Variants in NKAIN3 observed in about 807,000 individuals in gnomAD.
The protein encoded by NKAIN3 is sodium/potassium-transporting ATPase subunit beta-1-interacting protein 3.
Under a neutral mutation model 30.2 loss-of-function variants are expected in NKAIN3, and 25 were observed. That is an observed-to-expected ratio of 0.83 (90% confidence interval 0.60 to 1.16). NKAIN3 has a LOEUF of 1.16. Among genes scored for constraint, NKAIN3 ranks in the 50% most tolerant of loss-of-function variants. The pLI is 0.00. For missense variants in NKAIN3, 225 were observed against 254.1 expected, an observed-to-expected ratio of 0.89 and a Z score of 0.78; for synonymous variants, 91 against 89.6, an observed-to-expected ratio of 1.02 and a Z score of -0.09.
chr8:62,891,826 C>G (rs72655032), intron 4 of NKAIN3, among the ~76,000 whole-genome samples: 2 of 152,156 alleles, frequency 1.3e-5, no homozygotes, highest in Non-Finnish European at 2.9e-5. Flanking sequence ...TCATCACACT[C>G]TTCATCCTCT....
chr8:62,869,323 G>A (rs1361915406), intron 4 of NKAIN3, among the ~76,000 whole-genome samples: 6 of 151,718 alleles, frequency 4.0e-5, no homozygotes, highest in African/African-American at 1.5e-4. Context: ...GCCGCCACCC[G>A]GCGCCCCCCG....
chr8:62,881,700 C>T (rs1820987604), intron 4 of NKAIN3, among the ~76,000 whole-genome samples: 1 of 152,174 alleles, frequency 6.6e-6, no homozygotes, highest in Non-Finnish European at 1.5e-5. Flanking sequence ...TATAAACAGC[C>T]ATGTTCAGAT....
intron 1 of NKAIN3, among the ~76,000 whole-genome samples, chr8:62,438,671 C>T (rs1455620373): frequency 6.6e-6 from 1 of 152,168 alleles, no homozygotes; most frequent in African/African-American, 2.4e-5. Context: ...AAGAGATTCT[C>T]CTGCCTCAGC....
At chr8:62,859,496 T>A (rs1820171766) in intron 4 of NKAIN3, among the ~76,000 whole-genome samples, 1 of 14,132 alleles carries the variant, frequency 7.1e-5, no homozygotes, top group Admixed American at 7.9e-4. Context: ...TTTTCTATAC[T>A]CTTACTTCAA....
chr8:62,361,010 TAAAAAAAA>T (rs3085311), intron 1 of NKAIN3, among the ~76,000 whole-genome samples: 1,564 of 145,916 alleles, frequency 0.011, 9 homozygotes, highest in African/African-American at 0.025. Context: ...ATTCCCCAGC[TAAAAAAAA>T]AAAAAAAAAA....
intron 1 of NKAIN3, among the ~76,000 whole-genome samples, chr8:62,512,465 T>C (rs1229175335): frequency 1.3e-5 from 2 of 152,190 alleles, no homozygotes; most frequent in Admixed American, 6.5e-5. Flanking sequence ...ATGGTTTCCC[T>C]GGTTTTGAGG....
At chr8:62,833,986 G>A (rs1022693596) in intron 4 of NKAIN3, among the ~76,000 whole-genome samples, 1 of 152,108 alleles carries the variant, frequency 6.6e-6, no homozygotes, top group African/African-American at 2.4e-5. Flanking sequence ...CCATGACCAA[G>A]TGGGCTTTAT....
chr8:62,249,067 C>T lies in NKAIN3; in HGVS notation c.-7C>T, dbSNP rs1032503827. 4 of 1,535,400 alleles carry T rather than the reference C, an allele frequency of 2.6e-6. No homozygotes were observed. Among genetic ancestry groups the T allele is most frequent in the African/African-American group, 1.4e-5 (1 of 71,122 alleles). On this transcript the variant is annotated 5_prime_UTR_variant, in exon 1 of 7. Coordinates refer to ENST00000623646, the MANE Select transcript of NKAIN3 (RefSeq NM_001304533.3). The stretch of plus-strand genomic sequence containing the variant: ...GCAGTCAGCGCCGCTCGGACGCCGC[C>T]GGCACCATGGGCTGCTGCACCGGAC...
intron 3 of NKAIN3, among the ~76,000 whole-genome samples, chr8:62,698,303 T>C (rs548690615): frequency 6.6e-6 from 1 of 152,328 alleles, no homozygotes; most frequent in South Asian, 2.1e-4. Context: ...AAGACAGTTG[T>C]CATGTCCCAC....
rs117902920 is a variant in NKAIN3 at position 62,640,374 on chromosome 8, C to T, written c.273+50580C>T. Among the ~76,000 whole-genome samples the T allele has an allele frequency of 3.5e-3, 534 of 152,164 alleles. 5 individuals are homozygous for T. The highest frequency in any genetic ancestry group is 0.034 in the East Asian group (174 of 5,142). On this transcript the variant is annotated intron_variant, in intron 3 of 6. Transcript: ENST00000623646. Reference sequence around the variant, plus strand: ...TTGCTTTGCCCTCTCTCTCACCTGCCGCCATGTAAGACGTGTGTCTTCCCC... The same window carrying T: ...TTGCTTTGCCCTCTCTCTCACCTGCTGCCATGTAAGACGTGTGTCTTCCCC...
At chr8:62,318,632 C>T (rs1017429645) in intron 1 of NKAIN3, among the ~76,000 whole-genome samples, 16 of 152,010 alleles carry the variant, frequency 1.1e-4, no homozygotes, top group African/African-American at 3.4e-4. Context: ...TGCTGTATTA[C>T]GTTTATTGAT....
intron 3 of NKAIN3, among the ~76,000 whole-genome samples, chr8:62,714,148 T>C (rs1172243603): frequency 1.3e-5 from 2 of 152,126 alleles, no homozygotes; most frequent in Non-Finnish European, 2.9e-5. Context: ...TATGTTACAG[T>C]TTCACAGACT....
intron 1 of NKAIN3, among the ~76,000 whole-genome samples, chr8:62,511,454 C>T (rs1807810860): frequency 6.6e-6 from 1 of 152,124 alleles, no homozygotes; most frequent in Non-Finnish European, 1.5e-5. Flanking sequence ...CTCCTTGTAC[C>T]CCTCCGGCTG....
chr8:62,812,497 TTTTC>T (rs35666164), intron 4 of NKAIN3, among the ~76,000 whole-genome samples: 2,140 of 151,916 alleles, frequency 0.014, 29 homozygotes, highest in Non-Finnish European at 0.019. Context: ...AATTTAGAAC[TTTTC>T]TTTCTTTCAT....
At chr8:62,931,977 C>T (rs1396368161) in intron 5 of NKAIN3, among the ~76,000 whole-genome samples, 1 of 152,112 alleles carries the variant, frequency 6.6e-6, no homozygotes, top group Non-Finnish European at 1.5e-5. Flanking sequence ...GGCTGTATTT[C>T]TCTCATATCT....
chr8:62,527,608 C>T (rs989268227), intron 1 of NKAIN3, among the ~76,000 whole-genome samples: 1 of 152,090 alleles, frequency 6.6e-6, no homozygotes, highest in Non-Finnish European at 1.5e-5. Flanking sequence ...GTTTACGTTC[C>T]TATATTTGAA....
chr8:62,426,059 T>C (rs1323868666), intron 1 of NKAIN3, among the ~76,000 whole-genome samples: 1 of 151,964 alleles, frequency 6.6e-6, no homozygotes, highest in Admixed American at 6.6e-5. Flanking sequence ...TCTTCAAAAA[T>C]TTATTTATAT....
At chr8:62,808,622 A>G (rs1818382312) in intron 4 of NKAIN3, among the ~76,000 whole-genome samples, 1 of 152,156 alleles carries the variant, frequency 6.6e-6, no homozygotes, top group African/African-American at 2.4e-5. Context: ...GATGCCCCCC[A>G]AGCCACAAAA....
intron 3 of NKAIN3, among the ~76,000 whole-genome samples, chr8:62,684,234 T>C (rs73264872): frequency 0.13 from 20,430 of 152,158 alleles, 3,561 homozygotes; most frequent in African/African-American, 0.41. Context: ...GTGTTTTCAT[T>C]CCCTACTCCA....
Sources: gnomAD v4.1 joint callset for allele counts (sites outside exome capture counted in the v4.1 genomes callset) on GRCh38, gnomAD v4.1.1 for gene constraint, MANE v1.5 for transcripts, NCBI Gene and HGNC (gene_info 2026-07-23, HGNC 2026-07-21) for gene names.